Variants in BTBD9 observed in about 807,000 individuals in gnomAD.
BTBD9 encodes BTB/POZ domain-containing protein 9.
A neutral mutation model predicts 64.3 loss-of-function variants in BTBD9; 49 were observed. The observed-to-expected ratio is 0.76, with a 90% CI of 0.61 to 0.97. The LOEUF is 0.97. BTBD9 is among the 50% of genes least tolerant of loss of function. The pLI, the probability that BTBD9 is intolerant of heterozygous loss-of-function variation, is 0.00. For missense variants in BTBD9, 598 were observed against 762.1 expected (o/e 0.78, Z 2.53); for synonymous variants, 260 against 274.7 (o/e 0.95, Z 0.53).
chr6:38,551,332 G>A (rs528474881), intron 6 of BTBD9, among the ~76,000 whole-genome samples: 3 of 152,288 alleles, frequency 2.0e-5, no homozygotes, highest in African/African-American at 2.4e-5. Flanking sequence ...CATGTTTAAA[G>A]ATACAGAACA....
At chr6:38,317,189 G>A (rs973431262) in intron 7 of BTBD9, among the ~76,000 whole-genome samples, 1 of 151,964 alleles carries the variant, frequency 6.6e-6, no homozygotes, top group African/African-American at 2.4e-5. Context: ...TAGAGACAGG[G>A]TTTCACTATG....
At chr6:38,512,525 C>A (rs547738701) in intron 6 of BTBD9, among the ~76,000 whole-genome samples, 1 of 152,326 alleles carries the variant, frequency 6.6e-6, no homozygotes, top group South Asian at 2.1e-4. Context: ...CCGAGCTGAA[C>A]TGAATTCTTC....
chr6:38,248,715 T>C (rs1764291343), intron 9 of BTBD9, among the ~76,000 whole-genome samples: 1 of 152,150 alleles, frequency 6.6e-6, no homozygotes, highest in Admixed American at 6.5e-5. Context: ...ATGGCTGACA[T>C]TGTAGGCACA....
intron 6 of BTBD9, among the ~76,000 whole-genome samples, chr6:38,438,561 C>A (rs758372311): frequency 1.4e-4 from 22 of 152,118 alleles, no homozygotes; most frequent in Admixed American, 5.2e-4. Flanking sequence ...TTCAACACTA[C>A]CAGGAAATAA....
At chr6:38,373,210 T>A (rs2127606588) in intron 6 of BTBD9, among the ~76,000 whole-genome samples, 1 of 152,304 alleles carries the variant, frequency 6.6e-6, no homozygotes, top group Non-Finnish European at 1.5e-5. Flanking sequence ...TTCAAAATAA[T>A]CCCTGATGAA....
intron 9 of BTBD9, among the ~76,000 whole-genome samples, chr6:38,200,705 T>C (rs1264024910): frequency 6.6e-6 from 1 of 152,074 alleles, no homozygotes; most frequent in African/African-American, 2.4e-5. Flanking sequence ...TCTATCAAGA[T>C]TGAATCAGGA....
chr6:38,193,986 A>G lies in BTBD9; in HGVS notation c.1563-1389T>C, dbSNP rs181787322. On this transcript the variant is annotated intron_variant, in intron 9 of 10. Coordinates refer to ENST00000481247, the MANE Select transcript of BTBD9 (RefSeq NM_001099272.2). ...ACCAGTGTTCTGGAAACAAAGAAAA[A>G]TCACTGTCTCCATAAAAATGCTCTT... 6.7e-6 allele frequency: 5 copies of G among 746,092 alleles called. No individual in the cohort carries two copies. The East Asian group carries it at 3.9e-4, about 58-fold the overall frequency. The allele number at this position is 746,092 out of a possible 1,614,324, so 46.2% of individuals were successfully genotyped here. A position where few individuals can be genotyped will look rare whatever the true frequency, so the allele number is the denominator to read the frequency against.
intron 9 of BTBD9, among the ~76,000 whole-genome samples, chr6:38,232,475 T>A (rs534867369): frequency 6.6e-6 from 1 of 152,178 alleles, no homozygotes; most frequent in East Asian, 1.9e-4. Flanking sequence ...TTTCACTGTG[T>A]TAGCCAGGAT....
At chr6:38,550,386 G>C (rs375438414) in intron 6 of BTBD9, among the ~76,000 whole-genome samples, 7 of 148,122 alleles carry the variant, frequency 4.7e-5, no homozygotes, top group Admixed American at 6.8e-5. Context: ...GTGTGATCTC[G>C]GCTCACTGCA....
At chr6:38,262,489 G>A (rs1384523362) in intron 8 of BTBD9, among the ~76,000 whole-genome samples, 4 of 146,250 alleles carry the variant, frequency 2.7e-5, no homozygotes, top group Non-Finnish European at 6.0e-5. Flanking sequence ...TTTTTTAATT[G>A]ATTAGCAGAT....
intron 9 of BTBD9, among the ~76,000 whole-genome samples, chr6:38,202,743 C>CA (rs909153585): frequency 6.6e-6 from 1 of 152,132 alleles, no homozygotes; most frequent in African/African-American, 2.4e-5. Flanking sequence ...TCATCATATA[C>CA]AAAAATCAAC....
intron 6 of BTBD9, among the ~76,000 whole-genome samples, chr6:38,476,062 G>T (rs866484519): frequency 6.6e-6 from 1 of 152,172 alleles, no homozygotes; most frequent in Non-Finnish European, 1.5e-5. Context: ...TGGCAGGCTG[G>T]AAAAAATTAA....
chr6:38,410,632 T>C (rs1767382654), intron 6 of BTBD9, among the ~76,000 whole-genome samples: 1 of 152,188 alleles, frequency 6.6e-6, no homozygotes, highest in African/African-American at 2.4e-5. Context: ...CATGAAAATA[T>C]TACCTGGTCA....
intron 1 of BTBD9, among the ~76,000 whole-genome samples, chr6:38,629,206 A>C (rs370097590): frequency 1.3e-5 from 2 of 152,332 alleles, no homozygotes; most frequent in African/African-American, 2.4e-5. Flanking sequence ...TCATGACAAT[A>C]ATGGATTCAG....
At chr6:38,245,858 T>C (rs1004007187) in intron 9 of BTBD9, among the ~76,000 whole-genome samples, 2 of 152,200 alleles carry the variant, frequency 1.3e-5, no homozygotes, top group Non-Finnish European at 2.9e-5. Flanking sequence ...ACCATGTACA[T>C]TTTGTGTGCT....
intron 6 of BTBD9, among the ~76,000 whole-genome samples, chr6:38,537,546 G>A (rs1338533418): frequency 6.6e-6 from 1 of 152,198 alleles, no homozygotes; most frequent in Non-Finnish European, 1.5e-5. Context: ...ACAAGGGCAA[G>A]CATATCTCTT....
intron 6 of BTBD9, among the ~76,000 whole-genome samples, chr6:38,466,054 C>A (rs1294738260): frequency 1.3e-5 from 2 of 151,090 alleles, no homozygotes; most frequent in African/African-American, 2.4e-5. Flanking sequence ...TTCAAGTGAT[C>A]CTCCTGCCTC....
intron 6 of BTBD9, among the ~76,000 whole-genome samples, chr6:38,423,512 C>T (rs1483721438): frequency 6.6e-6 from 1 of 151,946 alleles, no homozygotes; most frequent in Non-Finnish European, 1.5e-5. Context: ...ACTATATTGC[C>T]CAGGGTGGTC....
At chr6:38,192,016 A>T (rs539593141) in intron 10 of BTBD9, among the ~76,000 whole-genome samples, 1 of 152,340 alleles carries the variant, frequency 6.6e-6, no homozygotes, top group South Asian at 2.1e-4. Flanking sequence ...TGCTACTTTT[A>T]TGTTTCTCAT....
Sources: allele counts gnomAD v4.1 joint callset (sites outside exome capture counted in the v4.1 genomes callset), GRCh38; gene constraint gnomAD v4.1.1; transcripts MANE v1.5; gene names NCBI Gene and HGNC (gene_info 2026-07-23, HGNC 2026-07-21).